YJU2B: variants seen among roughly 807,000 people sequenced by gnomAD.
The protein encoded by YJU2B is YJU2 splicing factor homolog B, also known as probable splicing factor YJU2B.
YJU2B carries 18 observed loss-of-function variants against 38.0 expected under a neutral mutation model. That is an observed-to-expected ratio of 0.47 (90% CI 0.33 to 0.70). The LOEUF (loss-of-function observed/expected upper bound fraction) is 0.70, where lower values mean the gene tolerates loss of function less well. Among genes scored for constraint, YJU2B ranks in the 30% least tolerant of loss-of-function variants. YJU2B has a pLI of 0.02. For synonymous variants in YJU2B, 246 were observed against 225.4 expected (o/e 1.09, Z -0.82); for missense variants, 538 against 556.3 (o/e 0.97, Z 0.33).
At chr19:13,734,354 C>T (rs1265572260) in intron 2 of YJU2B, among the ~76,000 whole-genome samples, 1 of 151,644 alleles carries the variant, frequency 6.6e-6, no homozygotes, top group South Asian at 2.1e-4. Flanking sequence ...TGCAATGGCA[C>T]GATCTTCACT....
chr19:13,733,493 G>A (rs1390810804), intron 2 of YJU2B, among the ~76,000 whole-genome samples: 3 of 152,058 alleles, frequency 2.0e-5, no homozygotes. Flanking sequence ...AGGCCGAGGT[G>A]GGTAGATCAC....
upstream of YJU2B, among the ~76,000 whole-genome samples, chr19:13,744,384 G>A (rs414530): frequency 0.29 from 43,391 of 151,934 alleles, 6,442 homozygotes; most frequent in African/African-American, 0.34. Context: ...CTTATCTGGG[G>A]TTTCCAAGAC....
At chr19:13,743,079 G>T (rs1487117484), upstream of YJU2B, among the ~76,000 whole-genome samples, 1 of 151,918 alleles carries the variant, frequency 6.6e-6, no homozygotes, top group Non-Finnish European at 1.5e-5. Flanking sequence ...TTATTGCAGG[G>T]CACCATGCAA....
chr19:13,736,379 C>T (rs1972948371), intron 2 of YJU2B, among the ~76,000 whole-genome samples: 1 of 151,214 alleles, frequency 6.6e-6, no homozygotes. Context: ...CTGCCTCAAC[C>T]TCCCAAGTAG....
chr19:13,731,753 C>G (rs1454219435), upstream of YJU2B: 2 of 152,278 alleles, frequency 1.3e-5, no homozygotes, highest in African/African-American at 4.8e-5. Context: ...CGCGCGCTCA[C>G]TTGCGCATGC....
upstream of YJU2B, among the ~76,000 whole-genome samples, chr19:13,744,184 C>T (rs541689390): frequency 6.7e-6 from 1 of 150,362 alleles, no homozygotes; most frequent in Non-Finnish European, 1.5e-5. Flanking sequence ...GAGACTTAGT[C>T]TCAAAAAAAA....
chr19:13,735,920 G>C (rs946381396), intron 2 of YJU2B, among the ~76,000 whole-genome samples: 2 of 151,720 alleles, frequency 1.3e-5, no homozygotes, highest in Non-Finnish European at 2.9e-5. Flanking sequence ...GGCGTGGTGG[G>C]GGGCACCTGT....
rs756287353 is a variant in YJU2B, at chr19:13,762,630, C to T, written c.753C>T (p.Ile251=). 5.9e-6 allele frequency: 9 copies of T among 1,536,580 alleles called. No homozygotes were observed. The South Asian group carries it at 1.1e-4, about 19-fold the overall frequency. Residue 251 remains isoleucine, a synonymous_variant, in exon 10 of 10, where the codon ATC becomes ATT. Transcript: ENST00000221554. ...AGAAACTCAAGCGGACCGAGATCAT[C>T]AGCCGCTCCTGGTTCCCCTCTGCCC... ...DKQKLKRTEI[I]SRSWFPSAPG... is the part of the protein sequence containing the mutation.
chr19:13,732,102 G>A (rs563652284), intron 1 of YJU2B: 4 of 152,252 alleles, frequency 2.6e-5, no homozygotes, highest in Non-Finnish European at 5.9e-5. Flanking sequence ...GTAGGACTTC[G>A]GGGTGGGAGT....
At chr19:13,750,639 C>T (rs1973422683) in intron 1 of YJU2B, among the ~76,000 whole-genome samples, 1 of 151,854 alleles carries the variant, frequency 6.6e-6, no homozygotes, top group South Asian at 2.1e-4. Flanking sequence ...GTGTGTGGAT[C>T]ACCTCAGGCC....
intron 8 of YJU2B, among the ~76,000 whole-genome samples, chr19:13,761,922 C>A (rs1380595979): frequency 6.6e-6 from 1 of 151,936 alleles, no homozygotes; most frequent in Non-Finnish European, 1.5e-5. Flanking sequence ...CAGGATTTTG[C>A]CTTGATGGCC....
At position 13,758,889 on chromosome 19, in the gene YJU2B, C is replaced by A. The variant is rs1406738160; in HGVS notation, c.279C>A (p.Leu93=). Residue 93 remains leucine (L), a synonymous_variant, in exon 7 of 10, where the codon CTC becomes CTA. Transcript: ENST00000221554. ...PIYRFRMKCH[L]CVNYIEMQTD... ...CCAGGTTCCGGATGAAATGCCACCT[C>A]TGTGTCAACTACATCGAGATGCAGA... 6.2e-7 allele frequency: 1 copy of A among 1,613,766 alleles called. No homozygotes were observed. The highest frequency in any genetic ancestry group is 1.1e-5 in the South Asian group (1 of 91,044).
chr19:13,745,727 C>CTATAGATATATATA (rs1568281112), upstream of YJU2B, among the ~76,000 whole-genome samples: 2 of 84,210 alleles, frequency 2.4e-5, no homozygotes, highest in African/African-American at 9.2e-5. Flanking sequence ...CTATAGATAT[C>CTATAGATATATATA]TATATATATA....
At chr19:13,753,061 GA>G (rs1973530605) in intron 2 of YJU2B, among the ~76,000 whole-genome samples, 2 of 152,218 alleles carry the variant, frequency 1.3e-5, no homozygotes, top group Non-Finnish European at 2.9e-5. Flanking sequence ...AAAAGAGTGT[GA>G]AAGCCACCAT....
chr19:13,737,057 T>A (rs1187207097), intron 2 of YJU2B, among the ~76,000 whole-genome samples: 1 of 148,226 alleles, frequency 6.7e-6, no homozygotes, highest in Non-Finnish European at 1.5e-5. Flanking sequence ...AAAGAGGGTC[T>A]CGCTCTGTCA....
chr19:13,738,997 G>C (rs1353757222), intron 2 of YJU2B, among the ~76,000 whole-genome samples: 1 of 151,894 alleles, frequency 6.6e-6, no homozygotes, highest in East Asian at 1.9e-4. Flanking sequence ...CCGGGAGACA[G>C]AGGTGGCAGT....
intron 1 of YJU2B, among the ~76,000 whole-genome samples, chr19:13,749,216 C>T (rs1045987933): frequency 3.3e-5 from 5 of 152,126 alleles, no homozygotes; most frequent in African/African-American, 1.2e-4. Flanking sequence ...GTTGGCCAGG[C>T]CGGTCTTGAA....
chr19:13,751,553 AGATGTGAT>A (rs1259156929), intron 1 of YJU2B, 47 bp from the exon 2 acceptor site: 1 of 508,660 alleles, frequency 2.0e-6, no homozygotes, highest in Non-Finnish European at 3.5e-6. Context: ...TGAAAGTGTC[AGATGTGAT>A]GCGTATATTG....
intron 3 of YJU2B, among the ~76,000 whole-genome samples, chr19:13,755,200 C>T (rs1599524792): frequency 6.7e-6 from 1 of 150,286 alleles, no homozygotes; most frequent in Non-Finnish European, 1.5e-5. Context: ...CCATGGCTCA[C>T]GCCTCTAATC....
Sources: allele counts gnomAD v4.1 joint callset (sites outside exome capture counted in the v4.1 genomes callset), GRCh38; gene constraint gnomAD v4.1.1; transcripts MANE v1.5; gene names NCBI Gene and HGNC (gene_info 2026-07-23, HGNC 2026-07-21).